AGO3: variants seen among roughly 807,000 people sequenced by gnomAD.
AGO3 encodes protein argonaute-3.
Under a neutral mutation model 105.5 loss-of-function variants are expected in AGO3, and 16 were observed. The observed-to-expected ratio is 0.15, with a 90% CI of 0.10 to 0.23. The LOEUF (loss-of-function observed/expected upper bound fraction) is 0.23, where lower values mean the gene tolerates loss of function less well. Ranked by LOEUF, AGO3 falls within the 10% of genes least tolerant of loss-of-function variation. AGO3 has a pLI of 1.00. For synonymous variants in AGO3, 340 were observed against 367.3 expected (o/e 0.93, Z 0.85); for missense variants, 534 against 1,088.0 (o/e 0.49, Z 7.16).
intron 14 of AGO3, among the ~76,000 whole-genome samples, 194 bp downstream of exon 14, chr1:36,036,461 T>C (rs1439149573): frequency 1.3e-5 from 2 of 152,246 alleles, no homozygotes; most frequent in Non-Finnish European, 2.9e-5. Context: ...AGTTTGCTAG[T>C]TATATTATTC....
chr1:36,009,093 T>C (rs1252145163), intron 8 of AGO3, 49 bp downstream of exon 8: 3 of 1,475,484 alleles, frequency 2.0e-6, no homozygotes, highest in Non-Finnish European at 2.7e-6. Flanking sequence ...ATGATTCTTT[T>C]GGGGTCTTTT....
At chr1:35,938,701 C>T (rs1197957319) in intron 1 of AGO3, among the ~76,000 whole-genome samples, 2 of 151,958 alleles carry the variant, frequency 1.3e-5, no homozygotes, top group East Asian at 1.9e-4. Context: ...TATACTGGTC[C>T]AGTGCTTGCT....
At chr1:35,931,791 G>A (rs574005785) in intron 1 of AGO3, among the ~76,000 whole-genome samples, 1 of 152,368 alleles carries the variant, frequency 6.6e-6, no homozygotes, top group South Asian at 2.1e-4. Flanking sequence ...TGTGTGTTCC[G>A]TAGAGGCTGG....
chr1:36,038,318 C>G (rs1445512933), intron 14 of AGO3, among the ~76,000 whole-genome samples: 1 of 143,256 alleles, frequency 7.0e-6, no homozygotes, highest in African/African-American at 2.6e-5. Flanking sequence ...GCAGTGGGCG[C>G]GATCTTGGCT....
intron 2 of AGO3, among the ~76,000 whole-genome samples, 181 bp from the exon 3 acceptor site, chr1:35,966,773 CT>C (rs1557655720): frequency 6.6e-6 from 1 of 152,156 alleles, no homozygotes; most frequent in African/African-American, 2.4e-5. Context: ...TGTATGTCAT[CT>C]TTTGGCAATA....
Position 36,040,424 on chromosome 1 carries a change from G to A in AGO3, c.2155G>A (p.Ala719Thr), listed in dbSNP as rs1269891664. Residue 719 changes from alanine to threonine, a missense_variant, in exon 16 of 19, where the codon GCT becomes ACT. Physicochemically the swap from Ala to Thr is moderately conservative, Grantham distance 58. Transcript: ENST00000373191. ...QKRHHTRLFCADRTERVGRSG... is the reference protein window; with the variant it reads ...QKRHHTRLFCTDRTERVGRSG... ...GAGACATCACACTCGATTATTTTGT[G>A]CTGATAGGACAGAAAGGGTAATCTC... 1.9e-6 allele frequency: 3 copies of A among 1,613,988 alleles called. No homozygotes were observed. The highest frequency in any genetic ancestry group is 2.5e-6 in the Non-Finnish European group (3 of 1,179,938).
At chr1:36,049,291 C>T (rs954759126) in intron 17 of AGO3, among the ~76,000 whole-genome samples, 33 of 152,068 alleles carry the variant, frequency 2.2e-4, no homozygotes, top group African/African-American at 7.5e-4. Context: ...AGGCCAAGGC[C>T]GGTGAATCAC....
At chr1:36,002,041 G>A (rs563031937) in intron 5 of AGO3, among the ~76,000 whole-genome samples, 3 of 152,082 alleles carry the variant, frequency 2.0e-5, no homozygotes, top group South Asian at 2.1e-4. Context: ...TTTTTGAGAC[G>A]AAATGTCTTG....
chr1:35,933,152 T>C (rs1646085563), intron 1 of AGO3, among the ~76,000 whole-genome samples: 1 of 152,222 alleles, frequency 6.6e-6, no homozygotes, highest in Non-Finnish European at 1.5e-5. Context: ...ATCAACTATA[T>C]GCCTGGGTCT....
intron 3 of AGO3, among the ~76,000 whole-genome samples, chr1:35,971,156 A>G (rs1366623971): frequency 1.4e-5 from 2 of 138,946 alleles, no homozygotes; most frequent in African/African-American, 3.0e-5. Flanking sequence ...TATAATATAT[A>G]TTTATTTTAT....
chr1:36,000,195 G>A (rs1640020194), intron 5 of AGO3, among the ~76,000 whole-genome samples: 1 of 152,036 alleles, frequency 6.6e-6, no homozygotes, highest in Admixed American at 6.6e-5. Flanking sequence ...AGGGAAGGAA[G>A]GAATAAACTA....
chr1:35,977,231 C>G (rs1169841844), intron 5 of AGO3, among the ~76,000 whole-genome samples: 2 of 142,712 alleles, frequency 1.4e-5, no homozygotes, highest in Admixed American at 7.3e-5. Flanking sequence ...ATATATACAT[C>G]TAGTATGTAC....
At chr1:36,026,435 A>G (rs138445976) in intron 11 of AGO3, among the ~76,000 whole-genome samples, 1 of 152,208 alleles carries the variant, frequency 6.6e-6, no homozygotes, top group African/African-American at 2.4e-5. Flanking sequence ...TTGTTTTTAT[A>G]TTTTAAAAAA....
rs1643128441 is a variant in AGO3, at chr1:36,068,999, C to A, written c.*13254C>A. ...TTGGAATTTAGTAATAGGTCTCCCA[C>A]TGATTTGCTCCGTGTCCTTAGGCAA... On this transcript the variant is annotated 3_prime_UTR_variant, in exon 19 of 19. Transcript: ENST00000373191. 1 of 152,232 alleles carries A rather than the reference C, an allele frequency of 6.6e-6. No homozygotes were observed. The highest frequency in any genetic ancestry group is 2.4e-5 in the African/African-American group (1 of 41,456). The allele number at this position is 152,232 out of a possible 1,614,324, so 9.4% of individuals were successfully genotyped here. A position where few individuals can be genotyped will look rare whatever the true frequency, so the allele number is the denominator to read the frequency against.
At chr1:36,007,311 A>G (rs1640383077) in intron 6 of AGO3, among the ~76,000 whole-genome samples, 1 of 152,194 alleles carries the variant, frequency 6.6e-6, no homozygotes, top group African/African-American at 2.4e-5. Context: ...AAACTTTAGA[A>G]AGGAGTTGCT....
At chr1:35,933,433 A>C (rs985311671) in intron 1 of AGO3, among the ~76,000 whole-genome samples, 3 of 152,116 alleles carry the variant, frequency 2.0e-5, no homozygotes, top group South Asian at 4.2e-4. Context: ...GCTTGAGCCC[A>C]GCAGTTGGAG....
chr1:36,038,707 C>G (rs1441540882), intron 14 of AGO3, among the ~76,000 whole-genome samples: 1 of 152,138 alleles, frequency 6.6e-6, no homozygotes. Flanking sequence ...GTTATAAGTT[C>G]ATGCTTTGAG....
rs1262148348 is a variant in AGO3 at position 36,055,228 on chromosome 1, C to G, written c.2474+83C>G. ...ATTTTCAAGTTCCACAAGCTATTAG[C>G]GGAGTCAGTGATCCATGTGAAAAAT... On this transcript the variant is annotated intron_variant, in intron 18 of 18. Coordinates refer to ENST00000373191, the MANE Select transcript of AGO3 (RefSeq NM_024852.4). The surrounding 1 kb of genome is among the most constrained non-coding windows in gnomAD (Gnocchi z 4.4). The G allele has an allele frequency of 7.1e-7, 1 of 1,409,426 alleles. No homozygotes were observed. The highest frequency in any genetic ancestry group is 9.7e-7 in the Non-Finnish European group (1 of 1,029,770). 87.3% of individuals were successfully genotyped at this position (1,409,426 alleles called of 1,614,324 possible). A position where few individuals can be genotyped will look rare whatever the true frequency, so the allele number is the denominator to read the frequency against.
chr1:35,991,660 G>A (rs935887115), intron 5 of AGO3, among the ~76,000 whole-genome samples: 1 of 151,484 alleles, frequency 6.6e-6, no homozygotes, highest in African/African-American at 2.4e-5. Context: ...AAATTCGAAA[G>A]CATCACTCCA....
Sources: allele counts gnomAD v4.1 joint callset (sites outside exome capture counted in the v4.1 genomes callset), GRCh38; gene constraint gnomAD v4.1.1; non-coding constraint Gnocchi (gnomAD v3.1); transcripts MANE v1.5; gene names NCBI Gene and HGNC (gene_info 2026-07-23, HGNC 2026-07-21).